The following TCOF1 variants were observed in gnomAD, a reference collection of about 807,000 sequenced individuals.
The protein encoded by TCOF1 is treacle protein.
TCOF1 carries 33 observed loss-of-function variants against 149.0 expected under a neutral mutation model. The observed-to-expected ratio is 0.22, with a 90% CI of 0.17 to 0.30. The LOEUF is 0.30. Ranked by LOEUF, TCOF1 falls within the 10% of genes least tolerant of loss-of-function variation. The pLI is 1.00. For missense variants in TCOF1, 1,728 were observed against 1,840.7 expected, an observed-to-expected ratio of 0.94 and a Z score of 1.12; for synonymous variants, 789 against 738.8, an observed-to-expected ratio of 1.07 and a Z score of -1.10.
intron 10 of TCOF1, 35 bp downstream of exon 10, chr5:150,375,198 CT>C (rs1285864782): frequency 4.3e-6 from 7 of 1,612,390 alleles, no homozygotes; most frequent in African/African-American, 1.3e-5. Context: ...GGCCTGTGCC[CT>C]GCCTCAAAAG....
rs558799719 is a variant in TCOF1, at chr5:150,396,484, G to T, written c.3987G>T (p.Lys1329Asn). The T allele has an allele frequency of 2.1e-5, 34 of 1,613,842 alleles. 2 individuals are homozygous for T. In the South Asian group the frequency reaches 3.6e-4, roughly 17 times the overall value. The change falls in exon 24 of 27, where the codon AAG becomes AAT. Residue 1329 changes from lysine to asparagine, a missense_variant. This residue lies in a region of TCOF1 where 1,696 missense variants were observed against 1,765.4 expected (regional missense o/e 0.96). Transcript: ENST00000643257. ...VLTELLEQER[K>N]KVVDTTKESS... ...CTGAGCTGCTGGAACAGGAAAGAAA[G>T]AAGGTGGTGGACACCACCAAGGAGA...
rs190367361 is a variant in TCOF1, at chr5:150,399,368, C to T, written c.*22+298C>T. ...GATGGAGCCTGTTTGTAGGTGAGGT[C>T]GGATACAGCTTGGTTCCTCCTTCAC... is the stretch of plus-strand genomic sequence containing the variant. On this transcript the variant is annotated intron_variant, in intron 26 of 26. Transcript: ENST00000643257. Among the ~76,000 whole-genome samples, 197 of 152,258 alleles carry T rather than the reference C, an allele frequency of 1.3e-3. 1 individual carries two copies. Among genetic ancestry groups the T allele is most frequent in the African/African-American group, 4.6e-3 (193 of 41,542 alleles).
intron 19 of TCOF1, among the ~76,000 whole-genome samples, chr5:150,391,131 TGAGGAGCTGGGGGA>T: frequency 6.6e-6 from 1 of 152,026 alleles, no homozygotes; most frequent in Non-Finnish European, 1.5e-5. Flanking sequence ...GACAGCTGGA[TGAGGAGCTGGGGGA>T]GAGGAGATGA....
intron 7 of TCOF1, among the ~76,000 whole-genome samples, chr5:150,372,918 G>C (rs543789083): frequency 1.3e-5 from 2 of 152,254 alleles, no homozygotes; most frequent in East Asian, 3.9e-4. Flanking sequence ...CCAGGCAGGG[G>C]CTCAGCAAGT....
In TCOF1 at chr5:150,392,183, G is replaced by T. The variant is rs758128879; in HGVS notation, c.3517+7G>T. 2 of 1,612,980 alleles carry T rather than the reference G, an allele frequency of 1.2e-6. No individual in the cohort carries two copies. Among genetic ancestry groups the T allele is most frequent in the Non-Finnish European group, 8.5e-7 (1 of 1,179,246 alleles). The stretch of plus-strand genomic sequence containing the variant: ...AAGTCAGCCCACACGCTGGGTGAGG[G>T]TGCCAGGGGAAAGGCAAGGGTGGGC... On this transcript the variant is annotated splice_region_variant and intron_variant, in intron 21 of 26. Coordinates refer to ENST00000643257, the MANE Select transcript of TCOF1 (RefSeq NM_001371623.1).
rs1415928215 is a variant in TCOF1, at chr5:150,361,016, A to G, written c.109-140A>G. On this transcript the variant is annotated intron_variant, in intron 1 of 26. Transcript: ENST00000643257. The stretch of plus-strand genomic sequence containing the variant: ...CTCCCAAAGTGCTGAGATTACAGGT[A>G]TGAGCCACCATGCCCAGCCAAAAAG... 5 of 999,592 alleles carry G rather than the reference A, an allele frequency of 5.0e-6. No individual in the cohort carries two copies. The African/African-American group carries it at 8.0e-5, about 16-fold the overall frequency. 61.9% of individuals were successfully genotyped at this position (999,592 alleles called of 1,614,324 possible).
chr5:150,393,511 C>G lies in TCOF1; in HGVS notation c.3743C>G (p.Ala1248Gly), dbSNP rs760535690. The G allele has an allele frequency of 1.9e-6, 3 of 1,614,204 alleles. No homozygotes were observed. Among genetic ancestry groups the G allele is most frequent in the African/African-American group, 1.3e-5 (1 of 75,044 alleles). The change falls in exon 23 of 27, where the codon GCA (alanine) becomes GGA (glycine). Residue 1248 changes from alanine to glycine, a missense_variant. Transcript: ENST00000643257. ...AKDDPDGKQE[A>G]KPQQAAGMLS... ...GATGACCCAGATGGCAAGCAGGAGG[C>G]AAAGCCCCAACAGGCAGCAGGCATG... is the stretch of plus-strand genomic sequence containing the variant.
chr5:150,381,461 T>G (rs779903790), intron 17 of TCOF1, among the ~76,000 whole-genome samples: 1 of 152,168 alleles, frequency 6.6e-6, no homozygotes, highest in South Asian at 2.1e-4. Flanking sequence ...AGGAGATGAT[T>G]GAGCTGAACC....
chr5:150,362,514 C>T (rs773719716), intron 2 of TCOF1, among the ~76,000 whole-genome samples: 1 of 151,974 alleles, frequency 6.6e-6, no homozygotes, highest in Non-Finnish European at 1.5e-5. Context: ...GAAGTGGGCC[C>T]CAAATGTACC....
intron 23 of TCOF1, chr5:150,393,802 C>G (rs1176668705): frequency 1.9e-6 from 1 of 525,198 alleles, no homozygotes; most frequent in South Asian, 2.0e-5. Context: ...TTGCTCAAGC[C>G]CAGGAGTTCA....
At chr5:150,371,670 T>C (rs1379685464) in intron 6 of TCOF1, among the ~76,000 whole-genome samples, 1 of 152,104 alleles carries the variant, frequency 6.6e-6, no homozygotes, top group African/African-American at 2.4e-5. Context: ...CAGGATGCGC[T>C]CTCCTGATTG....
Position 150,388,057 on chromosome 5 carries a change from C to T in TCOF1, c.3015C>T (p.Asp1005=), listed in dbSNP as rs1394245878. ...CCTCCTCCGAGAGCGAGGATGAGGA[C>T]GTGATCCCCGCTACACAGTGCTTGA... ...RSSSSESEDE[D]VIPATQCLTP... Residue 1005 remains aspartate, a synonymous_variant, in exon 18 of 27, where the codon GAC becomes GAT. Transcript: ENST00000643257. 16 of 1,613,598 alleles carry T rather than the reference C, an allele frequency of 9.9e-6. No individual in the cohort carries two copies. The highest frequency in any genetic ancestry group is 1.4e-5 in the Non-Finnish European group (16 of 1,180,010).
rs1183902447 is a variant in TCOF1 at position 150,364,257 on chromosome 5, G to C, written c.304+5G>C. 1.2e-6 allele frequency: 2 copies of C among 1,614,132 alleles called. No homozygotes were observed. Among genetic ancestry groups the C allele is most frequent in the Non-Finnish European group, 1.7e-6 (2 of 1,179,986 alleles). On this transcript the variant is annotated splice_donor_5th_base_variant and intron_variant, in intron 3 of 26. Coordinates refer to ENST00000643257, the MANE Select transcript of TCOF1 (RefSeq NM_001371623.1). ...AAGCCGAAACCGCCAAAGCCAGTAAGAGCCTTGCAGCTTTGGGAACAGGCT... is the reference window on the plus strand; with the variant it reads ...AAGCCGAAACCGCCAAAGCCAGTAACAGCCTTGCAGCTTTGGGAACAGGCT...
intron 6 of TCOF1, among the ~76,000 whole-genome samples, chr5:150,370,458 C>G (rs1266225735): frequency 2.6e-5 from 4 of 152,190 alleles, no homozygotes; most frequent in Non-Finnish European, 5.9e-5. Context: ...CGGGTTCAAG[C>G]GATTGTCGTG....
Position 150,391,946 on chromosome 5 carries a change from C to T in TCOF1, c.3298-11C>T. On this transcript the variant is annotated splice_polypyrimidine_tract_variant and intron_variant, in intron 20 of 26. Transcript: ENST00000643257. ...TTTTTCCTTCCATTCCTTCTCCTTT[C>T]ACCGAATTAGGTTGACAGTGCTGTG... The T allele has an allele frequency of 2.5e-6, 4 of 1,614,004 alleles. No individual in the cohort carries two copies. Among genetic ancestry groups the T allele is most frequent in the Non-Finnish European group, 3.4e-6 (4 of 1,179,904 alleles).
In TCOF1 at chr5:150,366,780, G is replaced by A. The variant is rs1368804064; in HGVS notation, c.305-1064G>A. Among the ~76,000 whole-genome samples the A allele has an allele frequency of 3.5e-4, 21 of 60,136 alleles. 6 individuals are homozygous for A. Among genetic ancestry groups the A allele is most frequent in the Admixed American group, 2.5e-3 (19 of 7,486 alleles). 39.5% of individuals were successfully genotyped at this position (60,136 alleles called of 152,430 possible). A position where few individuals can be genotyped will look rare whatever the true frequency, so the allele number is the denominator to read the frequency against. On this transcript the variant is annotated intron_variant, in intron 3 of 26. Coordinates refer to ENST00000643257, the MANE Select transcript of TCOF1 (RefSeq NM_001371623.1). ...CGCCATTCTCCTGCCTCAGCCTCCCGAGTAGCTGGGACTACAGGCGCCCGC... is the reference window on the plus strand; with the variant it reads ...CGCCATTCTCCTGCCTCAGCCTCCCAAGTAGCTGGGACTACAGGCGCCCGC...
chr5:150,363,184 A>T (rs1760562596), intron 2 of TCOF1, among the ~76,000 whole-genome samples: 1 of 152,206 alleles, frequency 6.6e-6, no homozygotes, highest in South Asian at 2.1e-4. Context: ...CTGGGAACAA[A>T]CCAGAGAAAA....
rs1762631616 is a variant in TCOF1, at chr5:150,371,986, A to G, written c.640-20A>G. 1 of 1,602,798 alleles carries G rather than the reference A, an allele frequency of 6.2e-7. No homozygotes were observed. Among genetic ancestry groups the G allele is most frequent in the South Asian group, 1.1e-5 (1 of 90,870 alleles). The stretch of plus-strand genomic sequence containing the variant: ...AACAGTAATTATTATTCATTTTCTA[A>G]TTCCATCCTCTTGTTCCAGGGGAAA... On this transcript the variant is annotated intron_variant, in intron 6 of 26. Coordinates refer to ENST00000643257, the MANE Select transcript of TCOF1 (RefSeq NM_001371623.1).
rs1163837890 is a variant in TCOF1 at position 150,396,861 on chromosome 5, C to T, written c.4345+19C>T. 3 of 1,575,158 alleles carry T rather than the reference C, an allele frequency of 1.9e-6. No homozygotes were observed. Among genetic ancestry groups the T allele is most frequent in the Middle Eastern group, 1.8e-4 (1 of 5,504 alleles). On this transcript the variant is annotated intron_variant, in intron 24 of 26. Coordinates refer to ENST00000643257, the MANE Select transcript of TCOF1 (RefSeq NM_001371623.1). ...GACAAGAGTGAGTGACCGCTTCTCC[C>T]AGCCCACCCCAAGGGCTGCTGGGCA...
Sources: gnomAD v4.1 joint callset for allele counts (sites outside exome capture counted in the v4.1 genomes callset) on GRCh38, gnomAD v4.1.1 for gene constraint, gnomAD v4.1.1 regional missense constraint, MANE v1.5 for transcripts, NCBI Gene and HGNC (gene_info 2026-07-23, HGNC 2026-07-21) for gene names.